Variants in ZNF618 observed in about 807,000 individuals in gnomAD.
ZNF618 encodes the protein neural precursor cell expressed, developmentally down-regulated 10.
ZNF618 carries 34 observed loss-of-function variants against 103.0 expected under a neutral mutation model. The observed-to-expected ratio is 0.33, with a 90% CI of 0.25 to 0.44. The LOEUF is 0.44. Among genes scored for constraint, ZNF618 ranks in the 20% least tolerant of loss-of-function variants. The pLI is 1.00. For synonymous variants in ZNF618, 551 were observed against 542.2 expected, an observed-to-expected ratio of 1.02 and a Z score of -0.23; for missense variants, 1,059 against 1,295.4, an observed-to-expected ratio of 0.82 and a Z score of 2.80.
At chr9:113,962,665 A>AC (rs981614304) in intron 1 of ZNF618, among the ~76,000 whole-genome samples, 14 of 152,204 alleles carry the variant, frequency 9.2e-5, no homozygotes, top group African/African-American at 3.4e-4. Flanking sequence ...TGCCCCAGAC[A>AC]CCACATGGCC....
Position 114,048,682 on chromosome 9 carries a change from G to C in ZNF618, c.1380G>C (p.Met460Ile). Reference sequence around the variant, plus strand: ...CCAGTGGTTTAACACCCAACAGCATGATCCCCGAAAAGGAGCGGCAGAACA... The same window carrying C: ...CCAGTGGTTTAACACCCAACAGCATCATCCCCGAAAAGGAGCGGCAGAACA... ...TTTSGLTPNS[M>I]IPEKERQNIA... The change falls in exon 15 of 15, where the codon ATG (methionine) becomes ATC (isoleucine). Residue 460 changes from methionine (M) to isoleucine (I), a missense_variant. Coordinates refer to ENST00000374126, the MANE Select transcript of ZNF618 (RefSeq NM_001318042.2). The C allele has an allele frequency of 6.2e-7, 1 of 1,613,626 alleles. No homozygotes were observed. The highest frequency in any genetic ancestry group is 8.5e-7 in the Non-Finnish European group (1 of 1,179,638).
chr9:113,891,115 T>C (rs1829580370), intron 1 of ZNF618, among the ~76,000 whole-genome samples: 1 of 152,188 alleles, frequency 6.6e-6, no homozygotes, highest in Admixed American at 6.5e-5. Context: ...TAAAAATATT[T>C]ATATTTGTGT....
chr9:113,955,820 CTT>C (rs1836229257), intron 1 of ZNF618, among the ~76,000 whole-genome samples: 1 of 152,054 alleles, frequency 6.6e-6, no homozygotes, highest in Admixed American at 6.6e-5. Context: ...TTTGATGTCT[CTT>C]TTTACTACAT....
At chr9:114,005,615 C>G (rs1302133774) in intron 6 of ZNF618, among the ~76,000 whole-genome samples, 2 of 152,166 alleles carry the variant, frequency 1.3e-5, no homozygotes, top group African/African-American at 4.8e-5. Flanking sequence ...AATGTCAAGG[C>G]AGAGCCCAGT....
chr9:113,929,103 A>G (rs1178414161), intron 1 of ZNF618, among the ~76,000 whole-genome samples: 1 of 152,208 alleles, frequency 6.6e-6, no homozygotes, highest in East Asian at 1.9e-4. Context: ...CATCTCACTG[A>G]AGGACAATGG....
intron 13 of ZNF618, among the ~76,000 whole-genome samples, chr9:114,038,175 A>G (rs1007406313): frequency 2.0e-5 from 3 of 152,148 alleles, no homozygotes; most frequent in Non-Finnish European, 4.4e-5. Flanking sequence ...TGAGACTCCC[A>G]CAGCACAGCC....
chr9:113,982,058 A>T (rs1839027208), intron 2 of ZNF618, among the ~76,000 whole-genome samples: 1 of 152,244 alleles, frequency 6.6e-6, no homozygotes, highest in Admixed American at 6.5e-5. Flanking sequence ...CAGAGTCTGC[A>T]GGCACATTGG....
intron 2 of ZNF618, among the ~76,000 whole-genome samples, chr9:113,977,942 C>T (rs898981103): frequency 3.9e-5 from 6 of 152,258 alleles, no homozygotes; most frequent in East Asian, 1.9e-4. Context: ...TATTACCTAA[C>T]GTTGTGGCTG....
intron 9 of ZNF618, among the ~76,000 whole-genome samples, chr9:114,014,282 C>T (rs1842484936): frequency 6.6e-6 from 1 of 152,082 alleles, no homozygotes; most frequent in Non-Finnish European, 1.5e-5. Flanking sequence ...TAAAATAATC[C>T]AGTTATTAAT....
Position 114,028,925 on chromosome 9 carries a change from C to A in ZNF618, c.1037C>A (p.Thr346Lys). ...ACCCCTCCAGCCACCCAAACCCAGA[C>A]GTTCCGCACTCCAAATTCGGGATCT... ...HRTPPATQTQ[T>K]FRTPNSGSPA... Residue 346 changes from threonine to lysine, a missense_variant, in exon 11 of 15, where the codon ACG (threonine) becomes AAG (lysine). Physicochemically the swap from Thr to Lys is moderately conservative, Grantham distance 78. Transcript: ENST00000374126. 1.9e-6 allele frequency: 3 copies of A among 1,550,810 alleles called. No individual in the cohort carries two copies. Among genetic ancestry groups the A allele is most frequent in the Non-Finnish European group, 2.6e-6 (3 of 1,147,016 alleles).
chr9:113,946,928 C>T (rs1261206771), intron 1 of ZNF618, among the ~76,000 whole-genome samples: 1 of 152,218 alleles, frequency 6.6e-6, no homozygotes, highest in Non-Finnish European at 1.5e-5. Context: ...ATGTTCCCTG[C>T]AGCCCATTCC....
intron 12 of ZNF618, among the ~76,000 whole-genome samples, chr9:114,034,239 C>G (rs915147916): frequency 3.3e-5 from 5 of 152,100 alleles, no homozygotes; most frequent in Non-Finnish European, 7.4e-5. Context: ...CGTAATCCAC[C>G]CAACCTCTCC....
chr9:114,029,647 C>T (rs1159468237), intron 11 of ZNF618, among the ~76,000 whole-genome samples: 1 of 151,898 alleles, frequency 6.6e-6, no homozygotes, highest in East Asian at 1.9e-4. Context: ...AAAAAAAAGT[C>T]ATTTCAACAA....
intron 1 of ZNF618, among the ~76,000 whole-genome samples, chr9:113,888,760 A>G (rs1829316389): frequency 6.6e-6 from 1 of 152,248 alleles, no homozygotes; most frequent in South Asian, 2.1e-4. Flanking sequence ...AGTTTTCCCT[A>G]CTGTACAATA....
intron 1 of ZNF618, among the ~76,000 whole-genome samples, chr9:113,957,268 T>C (rs1206594903): frequency 6.6e-6 from 1 of 152,182 alleles, no homozygotes; most frequent in Non-Finnish European, 1.5e-5. Flanking sequence ...TATTATAGAC[T>C]CTCTATCACT....
intron 11 of ZNF618, among the ~76,000 whole-genome samples, chr9:114,032,312 C>T (rs970720051): frequency 1.6e-4 from 24 of 152,322 alleles, no homozygotes; most frequent in African/African-American, 4.6e-4. Context: ...TTTGCTGTCA[C>T]GGTTGTGGCT....
chr9:113,964,040 G>A (rs1428477766), intron 1 of ZNF618, among the ~76,000 whole-genome samples: 1 of 152,170 alleles, frequency 6.6e-6, no homozygotes, highest in African/African-American at 2.4e-5. Flanking sequence ...AGTTGCGGTG[G>A]GGGAGGAAAA....
chr9:114,009,768 A>T (rs536404973), intron 9 of ZNF618, among the ~76,000 whole-genome samples: 29 of 152,240 alleles, frequency 1.9e-4, no homozygotes, highest in Admixed American at 1.8e-3. Context: ...TAAGTTGGAT[A>T]CGTTCCTCAG....
At chr9:113,885,611 T>C (rs1415618589) in intron 1 of ZNF618, among the ~76,000 whole-genome samples, 3 of 152,292 alleles carry the variant, frequency 2.0e-5, no homozygotes, top group South Asian at 2.1e-4. Context: ...GTTTCAATCA[T>C]GTATGTGGCC....
Sources: allele counts gnomAD v4.1 joint callset (sites outside exome capture counted in the v4.1 genomes callset), GRCh38; gene constraint gnomAD v4.1.1; transcripts MANE v1.5; gene names NCBI Gene and HGNC (gene_info 2026-07-23, HGNC 2026-07-21).